Variants in EEPD1 observed in about 807,000 individuals in gnomAD.
EEPD1 encodes the protein endonuclease/exonuclease/phosphatase family domain-containing protein 1.
A neutral mutation model predicts 46.3 loss-of-function variants in EEPD1; 17 were observed. The ratio of observed to expected loss-of-function variants is 0.37; its 90% CI spans 0.25 to 0.55. The LOEUF (loss-of-function observed/expected upper bound fraction) is 0.55. Among genes scored for constraint, EEPD1 ranks in the 20% least tolerant of loss-of-function variants. EEPD1 has a pLI of 0.83. For synonymous variants in EEPD1, 313 were observed against 315.6 expected, an observed-to-expected ratio of 0.99 and a Z score of 0.09; for missense variants, 673 against 745.6, an observed-to-expected ratio of 0.90 and a Z score of 1.13.
intron 2 of EEPD1, among the ~76,000 whole-genome samples, chr7:36,190,825 A>T (rs921392365): frequency 6.6e-6 from 1 of 152,206 alleles, no homozygotes; most frequent in Admixed American, 6.5e-5. Context: ...GTTAGAAAGG[A>T]GAAGCCCACC....
At chr7:36,212,847 T>G (rs555664280) in intron 2 of EEPD1, among the ~76,000 whole-genome samples, 2 of 152,184 alleles carry the variant, frequency 1.3e-5, no homozygotes, top group African/African-American at 4.8e-5. Context: ...TTAACAAAAG[T>G]ATACCTTAAG....
At chr7:36,262,145 A>G (rs1162954664) in intron 3 of EEPD1, among the ~76,000 whole-genome samples, 1 of 152,184 alleles carries the variant, frequency 6.6e-6, no homozygotes, top group African/African-American at 2.4e-5. Flanking sequence ...GGCCTGCCCT[A>G]CCTAACTCTT....
At chr7:36,175,955 T>C (rs966688322) in intron 2 of EEPD1, among the ~76,000 whole-genome samples, 1 of 152,174 alleles carries the variant, frequency 6.6e-6, no homozygotes, top group African/African-American at 2.4e-5. Context: ...GATGACTCTG[T>C]GTGGCCTCTC....
At position 36,193,163 on chromosome 7, in the gene EEPD1, T is replaced by G. The variant is rs1040618750; in HGVS notation, c.878+37961T>G. ...ATGGGGGCACAGGATTCCGTGGACA[T>G]TGGCAGCAGGCATGCTCACCACATC... On this transcript the variant is annotated intron_variant, in intron 2 of 7. Coordinates refer to ENST00000242108, the MANE Select transcript of EEPD1 (RefSeq NM_030636.3). This position sits in a 1 kb window ranked among gnomAD's most constrained non-coding sequence, Gnocchi z 4.9. Among the ~76,000 whole-genome samples, 1 of 152,162 alleles carries G rather than the reference T, an allele frequency of 6.6e-6. No individual in the cohort carries two copies. Among genetic ancestry groups the G allele is most frequent in the Non-Finnish European group, 1.5e-5 (1 of 68,026 alleles).
chr7:36,195,674 A>G (rs1014658504), intron 2 of EEPD1, among the ~76,000 whole-genome samples: 2 of 152,148 alleles, frequency 1.3e-5, no homozygotes, highest in South Asian at 4.1e-4. Flanking sequence ...AGTTCAGGAG[A>G]TCTCTTGTAC....
intron 2 of EEPD1, among the ~76,000 whole-genome samples, chr7:36,215,450 C>G (rs962657856): frequency 6.6e-6 from 1 of 152,230 alleles, no homozygotes; most frequent in African/African-American, 2.4e-5. Context: ...ACGTTTTCCT[C>G]TTTGTAATGC....
chr7:36,260,368 T>G (rs993620089), intron 3 of EEPD1, among the ~76,000 whole-genome samples: 2 of 152,258 alleles, frequency 1.3e-5, no homozygotes, highest in African/African-American at 2.4e-5. Context: ...AATATACCAC[T>G]TCACTGTCTC....
At chr7:36,157,118 C>T (rs777140292) in intron 2 of EEPD1, among the ~76,000 whole-genome samples, 1 of 152,088 alleles carries the variant, frequency 6.6e-6, no homozygotes, top group Non-Finnish European at 1.5e-5. Flanking sequence ...TTAAAATATA[C>T]TGGAGGATGT....
chr7:36,291,632 G>A (rs987050556), intron 6 of EEPD1, among the ~76,000 whole-genome samples: 4 of 152,180 alleles, frequency 2.6e-5, no homozygotes, highest in African/African-American at 7.2e-5. Flanking sequence ...AGAGGAGGGC[G>A]CCATCTGCAA....
chr7:36,196,975 C>T (rs1253307722), intron 2 of EEPD1, among the ~76,000 whole-genome samples: 1 of 151,624 alleles, frequency 6.6e-6, no homozygotes, highest in Non-Finnish European at 1.5e-5. Flanking sequence ...AGGAGCGTCT[C>T]TGCCCGGCCC....
chr7:36,225,019 A>G lies in EEPD1; in HGVS notation c.879-13966A>G, dbSNP rs889445847. Among the ~76,000 whole-genome samples the G allele has an allele frequency of 6.6e-6, 1 of 152,054 alleles. No homozygotes were observed. The highest frequency in any genetic ancestry group is 2.4e-5 in the African/African-American group (1 of 41,388). On this transcript the variant is annotated intron_variant, in intron 2 of 7. Coordinates refer to ENST00000242108, the MANE Select transcript of EEPD1 (RefSeq NM_030636.3). The surrounding 1 kb of genome is among the most constrained non-coding windows in gnomAD (Gnocchi z 4.2). Reference sequence around the variant, plus strand: ...GGCGACAGACTGGAGTGATGAGGCCAAAAACAAGGAATGCAGGCAGCCACC... The same window carrying G: ...GGCGACAGACTGGAGTGATGAGGCCGAAAACAAGGAATGCAGGCAGCCACC...
intron 3 of EEPD1, among the ~76,000 whole-genome samples, chr7:36,247,504 T>C (rs1786659914): frequency 6.6e-6 from 1 of 152,228 alleles, no homozygotes; most frequent in Non-Finnish European, 1.5e-5. Flanking sequence ...TAAAGATACA[T>C]GTGATTATAA....
chr7:36,260,345 T>A (rs1786902013), intron 3 of EEPD1, among the ~76,000 whole-genome samples: 1 of 152,264 alleles, frequency 6.6e-6, no homozygotes, highest in African/African-American at 2.4e-5. Flanking sequence ...AGTTTTTCTC[T>A]TTCAGCGCTT....
Position 36,154,651 on chromosome 7 carries a change from C to G in EEPD1, c.327C>G (p.His109Gln). 6.2e-7 allele frequency: 1 copy of G among 1,613,956 alleles called. No individual in the cohort carries two copies. Among genetic ancestry groups the G allele is most frequent in the African/African-American group, 1.3e-5 (1 of 75,042 alleles). ...CVSSKGSSAQ[H>Q]SPSSLRRDLL... is the part of the protein sequence containing the mutation. ...GCAGCAAGGGCAGCTCAGCGCAGCACTCTCCCAGTTCCCTGCGGCGGGACC... is the reference window on the plus strand; with the variant it reads ...GCAGCAAGGGCAGCTCAGCGCAGCAGTCTCCCAGTTCCCTGCGGCGGGACC... The change falls in exon 2 of 8, where the codon CAC (histidine) becomes CAG (glutamine). Residue 109 changes from histidine (H) to glutamine (Q), a missense_variant. Physicochemically the swap from His to Gln is conservative, Grantham distance 24. Coordinates refer to ENST00000242108, the MANE Select transcript of EEPD1 (RefSeq NM_030636.3). This position sits in a 1 kb window ranked among gnomAD's most constrained non-coding sequence, Gnocchi z 4.2.
intron 2 of EEPD1, among the ~76,000 whole-genome samples, chr7:36,168,476 C>T (rs1020500233): frequency 6.6e-5 from 10 of 152,018 alleles, no homozygotes; most frequent in African/African-American, 1.5e-4. Flanking sequence ...GACAGTTGGC[C>T]GGGCACGGTG....
Position 36,154,954 on chromosome 7 carries a change from A to G in EEPD1, c.630A>G (p.Gly210=). The G allele has an allele frequency of 6.2e-7, 1 of 1,613,760 alleles. No individual in the cohort carries two copies. The highest frequency in any genetic ancestry group is 8.5e-7 in the Non-Finnish European group (1 of 1,179,932). ...CCCCATCCACCCACACGAACGGGGG[A>G]CTGACCTTCACCGCCAAGCCTCACC... is the stretch of plus-strand genomic sequence containing the variant. The part of the protein sequence containing the change: ...SRPPSTHTNG[G]LTFTAKPHPS... Residue 210 remains glycine, a synonymous_variant, in exon 2 of 8, where the codon GGA becomes GGG. Transcript: ENST00000242108. This position sits in a 1 kb window ranked among gnomAD's most constrained non-coding sequence, Gnocchi z 4.2.
chr7:36,180,543 A>G (rs1418163569), intron 2 of EEPD1, among the ~76,000 whole-genome samples: 1 of 152,174 alleles, frequency 6.6e-6, no homozygotes, highest in African/African-American at 2.4e-5. Flanking sequence ...GGAGGTAGGC[A>G]GGAGAAATTT....
chr7:36,255,840 A>C (rs1786820924), intron 3 of EEPD1, among the ~76,000 whole-genome samples: 1 of 151,728 alleles, frequency 6.6e-6, no homozygotes, highest in South Asian at 2.1e-4. Context: ...TTCTTCTCTT[A>C]TCTTAATTAT....
chr7:36,157,231 AG>A (rs1443061612), intron 2 of EEPD1, among the ~76,000 whole-genome samples: 1 of 152,204 alleles, frequency 6.6e-6, no homozygotes, highest in Non-Finnish European at 1.5e-5. Context: ...GCAGATACCA[AG>A]GTACAACTGT....
Sources: gnomAD v4.1 joint callset for allele counts (sites outside exome capture counted in the v4.1 genomes callset) on GRCh38, gnomAD v4.1.1 for gene constraint, Gnocchi (gnomAD v3.1) non-coding constraint, MANE v1.5 for transcripts, NCBI Gene and HGNC (gene_info 2026-07-23, HGNC 2026-07-21) for gene names.